SLC25A18: variants seen among roughly 807,000 people sequenced by gnomAD.
SLC25A18 encodes the protein mitochondrial glutamate carrier 2.
In SLC25A18, 24 loss-of-function variants were observed where a neutral mutation model predicts 31.1. That is an observed-to-expected ratio of 0.77 (90% CI 0.56 to 1.08). SLC25A18 has a LOEUF of 1.08. Ranked by LOEUF, SLC25A18 falls within the 50% of genes least tolerant of loss-of-function variation. The pLI, the probability that SLC25A18 is intolerant of heterozygous loss-of-function variation, is 0.00. For synonymous variants in SLC25A18, 173 were observed against 161.9 expected (o/e 1.07, Z -0.52); for missense variants, 371 against 418.5 (o/e 0.89, Z 0.99).
In SLC25A18 at chr22:17,568,650, G is replaced by C. The variant is rs761700104; in HGVS notation, c.-263-1274G>C. On this transcript the variant is annotated intron_variant, in intron 1 of 10. Transcript: ENST00000327451. Reference sequence around the variant, plus strand: ...GATCTCGGCTCACTGCAAGCTCTGCGTCCCGGATTCACGCCATTCTCCTGC... The same window carrying C: ...GATCTCGGCTCACTGCAAGCTCTGCCTCCCGGATTCACGCCATTCTCCTGC... Among the ~76,000 whole-genome samples the C allele has an allele frequency of 3.0e-3, 391 of 131,146 alleles. 2 individuals are homozygous for C. The highest frequency in any genetic ancestry group is 5.0e-3 in the Middle Eastern group (1 of 202). The allele number at this position is 131,146 out of a possible 152,430, so 86.0% of individuals were successfully genotyped here. A position where few individuals can be genotyped will look rare whatever the true frequency, so the allele number is the denominator to read the frequency against.
chr22:17,584,450 A>AAGGAAG (rs1167043317), intron 7 of SLC25A18, among the ~76,000 whole-genome samples: 41 of 129,306 alleles, frequency 3.2e-4, no homozygotes, highest in African/African-American at 1.3e-3. Flanking sequence ...AAGGAAGGAG[A>AAGGAAG]GAGAGAGAGA....
Position 17,588,065 on chromosome 22 carries a change from T to G in SLC25A18, c.716T>G (p.Val239Gly), listed in dbSNP as rs749147482. ...CVAGSIAAVA[V>G]TPLDVLKTRI... Reference sequence around the variant, plus strand: ...GCAGGTTCCATAGCTGCGGTCGCAGTGACGCCTCTAGATGGTAAGGAGTTG... The same window carrying G: ...GCAGGTTCCATAGCTGCGGTCGCAGGGACGCCTCTAGATGGTAAGGAGTTG... Residue 239 changes from valine to glycine, a missense_variant, in exon 9 of 11, where the codon GTG becomes GGG. Transcript: ENST00000327451. 2 of 1,614,142 alleles carry G rather than the reference T, an allele frequency of 1.2e-6. No individual in the cohort carries two copies. The highest frequency in any genetic ancestry group is 1.7e-6 in the Non-Finnish European group (2 of 1,180,038).
At chr22:17,577,978 CTT>C (rs695375) in intron 2 of SLC25A18, among the ~76,000 whole-genome samples, 1 of 133,670 alleles carries the variant, frequency 7.5e-6, no homozygotes, top group Non-Finnish European at 1.5e-5. Flanking sequence ...CGCCCTGCTT[CTT>C]TTTTTTTTTT....
intron 7 of SLC25A18, among the ~76,000 whole-genome samples, chr22:17,586,807 A>G (rs1229014798): frequency 6.6e-6 from 1 of 152,218 alleles, no homozygotes; most frequent in Non-Finnish European, 1.5e-5. Flanking sequence ...TGGTTTAGAA[A>G]TGGAAGCCAG....
Position 17,588,085 on chromosome 22 carries a change from G to T in SLC25A18, c.730+6G>T. ...CGCAGTGACGCCTCTAGATGGTAAG[G>T]AGTTGGGAGACGTGTCCTTTCTATG... On this transcript the variant is annotated splice_donor_region_variant and intron_variant, in intron 9 of 10. Coordinates refer to ENST00000327451, the MANE Select transcript of SLC25A18 (RefSeq NM_031481.3). 6.2e-7 allele frequency: 1 copy of T among 1,613,974 alleles called. No homozygotes were observed. Among genetic ancestry groups the T allele is most frequent in the Non-Finnish European group, 8.5e-7 (1 of 1,179,994 alleles).
chr22:17,590,376 A>G lies in SLC25A18; in HGVS notation c.*140A>G. ...TAGTGCTACCTCAATCTCGGGAGAA[A>G]CAGCCCTATATTCTAACAAGTTGAG... is the stretch of plus-strand genomic sequence containing the variant. On this transcript the variant is annotated 3_prime_UTR_variant, in exon 11 of 11. Coordinates refer to ENST00000327451, the MANE Select transcript of SLC25A18 (RefSeq NM_031481.3). 1.0e-6 allele frequency: 1 copy of G among 982,126 alleles called. No individual in the cohort carries two copies. Among genetic ancestry groups the G allele is most frequent in the Non-Finnish European group, 1.5e-6 (1 of 668,174 alleles). 60.8% of individuals were successfully genotyped at this position (982,126 alleles called of 1,614,324 possible).
chr22:17,582,760 A>T, intron 6 of SLC25A18, 107 bp downstream of exon 6: 19 of 953,614 alleles, frequency 2.0e-5, no homozygotes, highest in Middle Eastern at 2.5e-4. Flanking sequence ...GCATGCATAT[A>T]AATATGTGCA....
intron 3 of SLC25A18, 68 bp downstream of exon 3, chr22:17,580,032 C>T (rs1415077297): frequency 8.7e-6 from 13 of 1,490,196 alleles, no homozygotes; most frequent in African/African-American, 1.4e-5. Context: ...GTGGTGATAG[C>T]ACATCCAGGT....
chr22:17,577,222 C>G (rs534530037), intron 2 of SLC25A18, among the ~76,000 whole-genome samples: 34 of 152,256 alleles, frequency 2.2e-4, no homozygotes, highest in African/African-American at 7.0e-4. Context: ...CGGGGTTTCA[C>G]CATGTTAGCC....
rs2146267809 is a variant in SLC25A18, at chr22:17,585,271, T to A, written c.409+1737T>A. ...CGGGCGTGGTGGTACATGCCTGTAA[T>A]CTCAGCTACTCGGGAGGCTGAGGCA... On this transcript the variant is annotated intron_variant, in intron 7 of 10. Coordinates refer to ENST00000327451, the MANE Select transcript of SLC25A18 (RefSeq NM_031481.3). 2 of 152,200 alleles carry A rather than the reference T, an allele frequency of 1.3e-5. 1 individual carries two copies. The highest frequency in any genetic ancestry group is 6.8e-3 in the Middle Eastern group (2 of 296). The allele number at this position is 152,200 out of a possible 1,614,324, so 9.4% of individuals were successfully genotyped here.
chr22:17,567,631 C>T (rs1328848898), intron 1 of SLC25A18, among the ~76,000 whole-genome samples: 1 of 74,246 alleles, frequency 1.3e-5, no homozygotes, highest in Non-Finnish European at 2.6e-5. Context: ...GACAATTTGC[C>T]AGTGGATCTC....
At chr22:17,570,093 ACT>A (rs1449836382) in intron 2 of SLC25A18, 107 bp downstream of exon 2, 2 of 771,840 alleles carry the variant, frequency 2.6e-6, no homozygotes, top group Non-Finnish European at 3.1e-6. Context: ...GGACAGGGAC[ACT>A]CATCCCATTT....
Position 17,583,423 on chromosome 22 carries a change from C to T in SLC25A18, c.298C>T (p.Arg100Trp), listed in dbSNP as rs781145215. Residue 100 changes from arginine (R) to tryptophan (W), a missense_variant, in exon 7 of 11, where the codon CGG becomes TGG. Physicochemically the swap from Arg to Trp is moderately radical, Grantham distance 101. Transcript: ENST00000327451. ...RRLLMEDGMQ[R>W]NLKMEMLAGC... is the part of the protein sequence containing the mutation. ...TGACGCCTGTTCCCATAGGATGCAG[C>T]GGAACCTGAAGATGGAGATGCTTGC... is the stretch of plus-strand genomic sequence containing the variant. 1.7e-5 allele frequency: 28 copies of T among 1,613,828 alleles called. No individual in the cohort carries two copies. Among genetic ancestry groups the T allele is most frequent in the East Asian group, 6.7e-5 (3 of 44,876 alleles).
rs532648171 is a variant in SLC25A18 at position 17,569,080 on chromosome 22, G to C, written c.-263-844G>C. 2.6e-3 allele frequency among the ~76,000 whole-genome samples: 383 copies of C among 149,620 alleles called. 2 individuals are homozygous for C. Among genetic ancestry groups the C allele is most frequent in the African/African-American group, 8.5e-3 (347 of 40,740 alleles). ...CTGGAGGGCAGTGGCGCGATCCCAG[G>C]TCACTGCAAGCTCCGCCTCCTGGGT... On this transcript the variant is annotated intron_variant, in intron 1 of 10. Coordinates refer to ENST00000327451, the MANE Select transcript of SLC25A18 (RefSeq NM_031481.3).
At chr22:17,569,091 C>T (rs940596693) in intron 1 of SLC25A18, among the ~76,000 whole-genome samples, 5 of 151,540 alleles carry the variant, frequency 3.3e-5, no homozygotes, top group Non-Finnish European at 7.4e-5. Flanking sequence ...TCACTGCAAG[C>T]TCCGCCTCCT....
At chr22:17,574,522 T>TA (rs1555946928) in intron 2 of SLC25A18, among the ~76,000 whole-genome samples, 4 of 133,020 alleles carry the variant, frequency 3.0e-5, no homozygotes, top group African/African-American at 5.9e-5. Flanking sequence ...TTTTTTTTTT[T>TA]ATTTTTTTTT....
Position 17,583,503 on chromosome 22 carries a change from C to T in SLC25A18, c.378C>T (p.Leu126=), listed in dbSNP as rs200789113. Residue 126 remains leucine, a synonymous_variant, in exon 7 of 11, where the codon CTC becomes CTT. Coordinates refer to ENST00000327451, the MANE Select transcript of SLC25A18 (RefSeq NM_031481.3). ...TGGTGACCTGTCCCATGGAAATGCT[C>T]AAGATTCAGCTGCAGGATGCTGGAC... is the stretch of plus-strand genomic sequence containing the variant. ...QVVVTCPMEM[L]KIQLQDAGRL... 19 of 1,613,998 alleles carry T rather than the reference C, an allele frequency of 1.2e-5. No homozygotes were observed. The Admixed American group carries it at 2.3e-4, about 20-fold the overall frequency.
In SLC25A18 at chr22:17,577,950, T is replaced by G. The variant is rs1422456502; in HGVS notation, c.-200-1795T>G. On this transcript the variant is annotated intron_variant, in intron 2 of 10. Coordinates refer to ENST00000327451, the MANE Select transcript of SLC25A18 (RefSeq NM_031481.3). ...CCTCAGCCTTCCAAAGTGTTGGGAT[T>G]ACAGGCATGAGCCACTGCGCCCTGC... Among the ~76,000 whole-genome samples, 3 of 151,164 alleles carry G rather than the reference T, an allele frequency of 2.0e-5. No individual in the cohort carries two copies. In the East Asian group the frequency reaches 5.9e-4, roughly 30 times the overall value.
At chr22:17,584,798 A>AG (rs966393386) in intron 7 of SLC25A18, among the ~76,000 whole-genome samples, 21 of 149,374 alleles carry the variant, frequency 1.4e-4, no homozygotes, top group Non-Finnish European at 2.1e-4. Flanking sequence ...AAAAAAAAAA[A>AG]AAAAAAAAAA....
Sources: allele counts gnomAD v4.1 joint callset (sites outside exome capture counted in the v4.1 genomes callset), GRCh38; gene constraint gnomAD v4.1.1; transcripts MANE v1.5; gene names NCBI Gene and HGNC (gene_info 2026-07-23, HGNC 2026-07-21).